Variants in PIK3AP1 observed in about 807,000 individuals in gnomAD.
The protein encoded by PIK3AP1 is phosphoinositide 3-kinase adapter protein 1.
Under a neutral mutation model 88.1 loss-of-function variants are expected in PIK3AP1, and 21 were observed. The observed-to-expected ratio is 0.24, with a 90% CI of 0.17 to 0.34. The LOEUF is 0.34. Ranked by LOEUF, PIK3AP1 falls within the 10% of genes least tolerant of loss-of-function variation. The pLI is 1.00. For missense variants in PIK3AP1, 828 were observed against 1,035.7 expected (o/e 0.80, Z 2.75); for synonymous variants, 398 against 400.0 (o/e 1.00, Z 0.06).
intron 2 of PIK3AP1, among the ~76,000 whole-genome samples, chr10:96,704,458 C>T (rs1306312186): frequency 6.6e-6 from 1 of 152,190 alleles, no homozygotes; most frequent in Admixed American, 6.5e-5. Flanking sequence ...TGGCTCACGC[C>T]TGTAATCCCA....
At chr10:96,692,811 CTT>C (rs879600365) in intron 2 of PIK3AP1, among the ~76,000 whole-genome samples, 1 of 152,102 alleles carries the variant, frequency 6.6e-6, no homozygotes, top group Non-Finnish European at 1.5e-5. Flanking sequence ...AATAAATAAA[CTT>C]ATTTTCTTAA....
chr10:96,653,132 C>T (rs976681388), intron 3 of PIK3AP1, among the ~76,000 whole-genome samples: 10 of 151,856 alleles, frequency 6.6e-5, no homozygotes, highest in African/African-American at 1.5e-4. Context: ...CTTAGCTGGG[C>T]GCGGTGGCTC....
chr10:96,666,772 G>A (rs769082189), intron 2 of PIK3AP1, among the ~76,000 whole-genome samples: 23 of 151,972 alleles, frequency 1.5e-4, no homozygotes, highest in Non-Finnish European at 2.8e-4. Flanking sequence ...AGGAATCAAT[G>A]CTTATTCCCA....
Position 96,719,585 on chromosome 10 carries a change from G to A in PIK3AP1, c.13+797C>T, listed in dbSNP as rs143714110. Among the ~76,000 whole-genome samples the A allele has an allele frequency of 1.8e-3, 279 of 152,294 alleles. 2 individuals are homozygous for A. The highest frequency in any genetic ancestry group is 0.017 in the Middle Eastern group (5 of 294). Reference sequence around the variant, plus strand: ...GCCCACCATGGAGAACATATTAGGTGCACAGTATCCATTGGAGTGCAATAG... The same window carrying A: ...GCCCACCATGGAGAACATATTAGGTACACAGTATCCATTGGAGTGCAATAG... On this transcript the variant is annotated intron_variant, in intron 1 of 16. Coordinates refer to ENST00000339364, the MANE Select transcript of PIK3AP1 (RefSeq NM_152309.3).
chr10:96,652,173 C>T (rs1381908748), intron 4 of PIK3AP1, among the ~76,000 whole-genome samples: 2 of 152,078 alleles, frequency 1.3e-5, no homozygotes, highest in African/African-American at 4.8e-5. Flanking sequence ...TAACACCAAC[C>T]ACAGAGATTC....
intron 2 of PIK3AP1, among the ~76,000 whole-genome samples, chr10:96,692,144 C>T (rs988715095): frequency 3.9e-5 from 6 of 152,206 alleles, no homozygotes; most frequent in African/African-American, 1.2e-4. Flanking sequence ...AAAACCCATA[C>T]AGATGCTTTC....
intron 8 of PIK3AP1, among the ~76,000 whole-genome samples, chr10:96,644,267 G>A (rs1395383563): frequency 6.6e-5 from 10 of 152,172 alleles, no homozygotes; most frequent in Admixed American, 6.5e-4. Flanking sequence ...CATGTCCCTC[G>A]TGACTTTCAA....
At chr10:96,597,263 TTTC>T (rs138448910) in intron 16 of PIK3AP1, among the ~76,000 whole-genome samples, 7,608 of 143,522 alleles carry the variant, frequency 0.053, 275 homozygotes, top group Non-Finnish European at 0.082. Context: ...TTTTTCTTTC[TTTC>T]TTTCTTTCCT....
chr10:96,676,008 A>G (rs770974881), intron 2 of PIK3AP1, among the ~76,000 whole-genome samples: 10 of 152,114 alleles, frequency 6.6e-5, no homozygotes, highest in Non-Finnish European at 1.2e-4. Flanking sequence ...GGTCAGAGGG[A>G]CTTTCCCAGT....
At chr10:96,616,763 TG>T (rs1849221962) in intron 12 of PIK3AP1, 52 bp from the exon 13 acceptor site, 12 of 1,522,602 alleles carry the variant, frequency 7.9e-6, no homozygotes, top group Non-Finnish European at 1.1e-5. Flanking sequence ...TGATACCCTC[TG>T]GACATGAGAG....
intron 8 of PIK3AP1, among the ~76,000 whole-genome samples, chr10:96,629,772 T>C (rs1366351730): frequency 6.9e-6 from 1 of 145,284 alleles, no homozygotes; most frequent in Admixed American, 6.8e-5. Context: ...CACCTGACTG[T>C]GGTCCCAGCC....
intron 16 of PIK3AP1, among the ~76,000 whole-genome samples, chr10:96,600,498 C>A (rs1487208599): frequency 2.0e-5 from 3 of 152,104 alleles, no homozygotes. Context: ...TAATCCGTGC[C>A]TTCCAGTCTA....
At chr10:96,602,543 T>G (rs1848917450) in intron 15 of PIK3AP1, 145 bp from the exon 16 acceptor site, 1 of 642,372 alleles carries the variant, frequency 1.6e-6, no homozygotes, top group South Asian at 1.8e-5. Flanking sequence ...CAGCCATACC[T>G]GGCAGCTTTC....
intron 9 of PIK3AP1, among the ~76,000 whole-genome samples, chr10:96,627,115 G>A (rs1018921518): frequency 2.6e-5 from 4 of 152,212 alleles, no homozygotes; most frequent in African/African-American, 7.2e-5. Flanking sequence ...GACACCCAGC[G>A]ATGCAGTGAA....
intron 8 of PIK3AP1, among the ~76,000 whole-genome samples, chr10:96,638,692 T>C (rs924254097): frequency 4.6e-5 from 7 of 152,228 alleles, no homozygotes; most frequent in South Asian, 2.1e-4. Context: ...TGGGATGCAT[T>C]TGTGGTGCTG....
At chr10:96,687,454 T>G (rs1844089389) in intron 2 of PIK3AP1, among the ~76,000 whole-genome samples, 1 of 151,986 alleles carries the variant, frequency 6.6e-6, no homozygotes, top group African/African-American at 2.4e-5. Context: ...AAATGTCCAC[T>G]CTGCAGTGAT....
chr10:96,648,924 G>A, intron 6 of PIK3AP1, 69 bp from the exon 7 acceptor site: 1 of 1,342,224 alleles, frequency 7.5e-7, no homozygotes, highest in Non-Finnish European at 9.9e-7. Context: ...TGTTCATGGA[G>A]ATGAAGCTGC....
intron 1 of PIK3AP1, among the ~76,000 whole-genome samples, chr10:96,710,915 G>T (rs1473405299): frequency 6.6e-6 from 1 of 152,106 alleles, no homozygotes; most frequent in African/African-American, 2.4e-5. Flanking sequence ...ATTGGTAGCT[G>T]GTGTCATCAT....
At chr10:96,636,753 C>T (rs1181157542) in intron 8 of PIK3AP1, among the ~76,000 whole-genome samples, 1 of 152,196 alleles carries the variant, frequency 6.6e-6, no homozygotes, top group African/African-American at 2.4e-5. Flanking sequence ...GCCACAGCCT[C>T]CTTCTGGAAA....
Sources: gnomAD v4.1 joint callset for allele counts (sites outside exome capture counted in the v4.1 genomes callset) on GRCh38, gnomAD v4.1.1 for gene constraint, MANE v1.5 for transcripts, NCBI Gene and HGNC (gene_info 2026-07-23, HGNC 2026-07-21) for gene names.